The following KANK2 variants were observed in gnomAD, a reference collection of about 807,000 sequenced individuals.
KANK2 encodes the protein KN motif and ankyrin repeat domains 2.
KANK2 carries 41 observed loss-of-function variants against 74.6 expected under a neutral mutation model. That is an observed-to-expected ratio of 0.55 (90% confidence interval 0.43 to 0.71). KANK2 has a LOEUF of 0.71. Ranked by LOEUF, KANK2 falls within the 30% of genes least tolerant of loss-of-function variation. The probability of loss-of-function intolerance (pLI) is 0.00; values close to 1 mark genes in which losing one functional copy is unlikely to be tolerated. For synonymous variants in KANK2, 537 were observed against 519.0 expected (o/e 1.03, Z -0.47); for missense variants, 1,148 against 1,196.4 (o/e 0.96, Z 0.60).
intron 8 of KANK2, among the ~76,000 whole-genome samples, chr19:11,174,945 T>C (rs1242623966): frequency 6.6e-6 from 1 of 150,606 alleles, no homozygotes; most frequent in African/African-American, 2.5e-5. Context: ...TGGATATAAT[T>C]TCTCTCTCTC....
In KANK2 at chr19:11,170,402, AC is replaced by A. The variant is rs2078142698; in HGVS notation, c.2212-155del. 1 of 618,700 alleles carries A rather than the reference AC, an allele frequency of 1.6e-6. No homozygotes were observed. The highest frequency in any genetic ancestry group is 2.8e-6 in the Non-Finnish European group (1 of 351,926). The allele number at this position is 618,700 out of a possible 1,614,324, so 38.3% of individuals were successfully genotyped here. A position where few individuals can be genotyped will look rare whatever the true frequency, so the allele number is the denominator to read the frequency against. ...CTGAATCTCAAACAACCCTCCCGTC[AC>A]CAGGGGAGTAATAAATCCACAGAGA... On this transcript the variant is annotated intron_variant, in intron 10 of 12. Coordinates refer to ENST00000586659, the MANE Select transcript of KANK2 (RefSeq NM_001136191.3). This position sits in a 1 kb window ranked among gnomAD's most constrained non-coding sequence, Gnocchi z 5.2.
intron 12 of KANK2, among the ~76,000 whole-genome samples, chr19:11,167,999 G>A (rs1020082396): frequency 7.1e-6 from 1 of 141,656 alleles, no homozygotes; most frequent in Non-Finnish European, 1.5e-5. Flanking sequence ...GCCATCCCAC[G>A]TCCTTGTTTT....
At chr19:11,182,791 C>T (rs35312489) in intron 4 of KANK2, among the ~76,000 whole-genome samples, 8,331 of 136,208 alleles carry the variant, frequency 0.061, 334 homozygotes, top group Admixed American at 0.084. Flanking sequence ...TGCAGTGAGC[C>T]GATATTATGC....
rs548896322 is a variant in KANK2 at position 11,166,529 on chromosome 19, G to C, written c.*29C>G. 3.1e-6 allele frequency: 5 copies of C among 1,607,086 alleles called. No individual in the cohort carries two copies. The African/African-American group carries it at 5.4e-5, about 17-fold the overall frequency. On this transcript the variant is annotated 3_prime_UTR_variant, in exon 13 of 13. Transcript: ENST00000586659. The stretch of plus-strand genomic sequence containing the variant: ...CGGGGACAAGGGACGGTTTGCTCCC[G>C]GTCTGGCTGGTCCCCGCCTCCCTCA...
chr19:11,173,579 G>C (rs534946053), intron 9 of KANK2, among the ~76,000 whole-genome samples: 3 of 152,188 alleles, frequency 2.0e-5, no homozygotes, highest in Non-Finnish European at 4.4e-5. Flanking sequence ...TCTTAGACCA[G>C]GGCTCCAGAG....
chr19:11,182,716 G>A (rs911083684), intron 4 of KANK2, among the ~76,000 whole-genome samples: 1 of 149,320 alleles, frequency 6.7e-6, no homozygotes, highest in African/African-American at 2.5e-5. Flanking sequence ...GGTGGCACGT[G>A]CCTGTAGTCC....
chr19:11,173,121 C>CA lies in KANK2; in HGVS notation c.2070dup (p.Val691CysfsTer72). 6.2e-7 allele frequency: 1 copy of CA among 1,612,250 alleles called. No homozygotes were observed. Among genetic ancestry groups the CA allele is most frequent in the Non-Finnish European group, 8.5e-7 (1 of 1,179,102 alleles). On this transcript the variant is annotated frameshift_variant and splice_region_variant, in exon 10 of 13. Coordinates refer to ENST00000586659, the MANE Select transcript of KANK2 (RefSeq NM_001136191.3). LOFTEE classifies it high-confidence loss of function. Reference sequence around the variant, plus strand: ...CGGTTCTGTTTGTCCACCTTGCAGACACCTAAGAGACATGGTGTGAACCCT... The same window carrying CA: ...CGGTTCTGTTTGTCCACCTTGCAGACAACCTAAGAGACATGGTGTGAACCCT...
At chr19:11,174,818 T>C (rs1208600399) in intron 8 of KANK2, 126 bp from the exon 9 acceptor site, 1 of 722,966 alleles carries the variant, frequency 1.4e-6, no homozygotes, top group Non-Finnish European at 2.4e-6. Context: ...TCAAGGGAAG[T>C]GCAGACCCTC....
Position 11,170,322 on chromosome 19 carries a change from T to C in KANK2, c.2212-74A>G, listed in dbSNP as rs2078139859. The C allele has an allele frequency of 8.3e-7, 1 of 1,209,828 alleles. No individual in the cohort carries two copies. Among genetic ancestry groups the C allele is most frequent in the Admixed American group, 1.8e-5 (1 of 54,108 alleles). 74.9% of individuals were successfully genotyped at this position (1,209,828 alleles called of 1,614,324 possible). On this transcript the variant is annotated intron_variant, in intron 10 of 12. Coordinates refer to ENST00000586659, the MANE Select transcript of KANK2 (RefSeq NM_001136191.3). The surrounding 1 kb of genome is among the most constrained non-coding windows in gnomAD (Gnocchi z 5.2). ...GGACACCCCCTGGTCTAGAACCTGC[T>C]GTAGCTCCCACATACTCTGATGGTG...
chr19:11,193,774 G>A lies in KANK2; in HGVS notation c.306C>T (p.Tyr102=), dbSNP rs1371056964. 6.2e-7 allele frequency: 1 copy of A among 1,612,830 alleles called. No homozygotes were observed. The highest frequency in any genetic ancestry group is 8.5e-7 in the Non-Finnish European group (1 of 1,179,722). ...ACTGAGGGTAGAAGCCACGGCCGCA[G>A]TAGGAATAGGCTGAGTGGCGGCTGT... ...SGDSRHSAYS[Y]CGRGFYPQYG... is the part of the protein sequence containing the mutation. The change falls in exon 4 of 13, where the codon TAC becomes TAT. Residue 102 remains tyrosine, a synonymous_variant. Coordinates refer to ENST00000586659, the MANE Select transcript of KANK2 (RefSeq NM_001136191.3). The surrounding 1 kb of genome is among the most constrained non-coding windows in gnomAD (Gnocchi z 9.6).
At chr19:11,178,250 G>T in intron 6 of KANK2, 95 bp downstream of exon 6, 1 of 1,079,340 alleles carries the variant, frequency 9.3e-7, no homozygotes, top group Non-Finnish European at 1.3e-6. Context: ...CCAAAGCAAG[G>T]AGCTCAGAAT....
In KANK2 at chr19:11,166,286, C is replaced by A; in HGVS notation, c.*272G>T. ...AATGTTCTTCATAAAACCCACACCC[C>A]AGCATCAGCCCTGGCGCCAATGTAT... On this transcript the variant is annotated 3_prime_UTR_variant, in exon 13 of 13. Coordinates refer to ENST00000586659, the MANE Select transcript of KANK2 (RefSeq NM_001136191.3). 4 of 363,824 alleles carry A rather than the reference C, an allele frequency of 1.1e-5. No homozygotes were observed. Among genetic ancestry groups the A allele is most frequent in the Non-Finnish European group, 2.0e-5 (4 of 202,242 alleles). The allele number at this position is 363,824 out of a possible 1,614,324, so 22.5% of individuals were successfully genotyped here.
chr19:11,190,117 G>C (rs1186247292), intron 4 of KANK2, among the ~76,000 whole-genome samples: 1 of 144,752 alleles, frequency 6.9e-6, no homozygotes, highest in Non-Finnish European at 1.5e-5. Context: ...AAGCTGTCCT[G>C]GTTATTTATT....
At chr19:11,197,838 G>A (rs1289303809), upstream of KANK2, 1 of 151,988 alleles carries the variant, frequency 6.6e-6, no homozygotes, top group Non-Finnish European at 1.5e-5. Context: ...GCTGCGGGGG[G>A]CGGAACGGCT....
Position 11,176,699 on chromosome 19 carries a change from G to A in KANK2, c.1639C>T (p.Leu547Phe), listed in dbSNP as rs1242977281. The change falls in exon 7 of 13, where the codon CTC becomes TTC. Residue 547 changes from leucine to phenylalanine, a missense_variant. Physicochemically the swap from Leu to Phe is conservative, Grantham distance 22. Coordinates refer to ENST00000586659, the MANE Select transcript of KANK2 (RefSeq NM_001136191.3). ...RVPSVAEAPQ[L>F]RPAGTAAAKT... The stretch of plus-strand genomic sequence containing the variant: ...GCCGCTGCCGTCCCTGCAGGCCTGA[G>A]CTGGGGGGCTTCGGCCACACTCGGA... 2 of 1,612,964 alleles carry A rather than the reference G, an allele frequency of 1.2e-6. No homozygotes were observed. The highest frequency in any genetic ancestry group is 1.7e-6 in the Non-Finnish European group (2 of 1,179,676).
chr19:11,173,061 C>T lies in KANK2; in HGVS notation c.2131G>A (p.Ala711Thr), dbSNP rs773865789. ...ATGTCGTCCTGGGTCTTCAGGGTGG[C>T]CAGGGCGGTGAGCATAATAGGGCTG... ...GYSPIMLTAL[A>T]TLKTQDDIET... is the part of the protein sequence containing the mutation. The change falls in exon 10 of 13, where the codon GCC becomes ACC. Residue 711 changes from alanine to threonine, a missense_variant. Ala to Thr is a moderately conservative substitution (Grantham distance 58). Coordinates refer to ENST00000586659, the MANE Select transcript of KANK2 (RefSeq NM_001136191.3). 2 of 1,614,066 alleles carry T rather than the reference C, an allele frequency of 1.2e-6. No individual in the cohort carries two copies. The highest frequency in any genetic ancestry group is 2.2e-5 in the East Asian group (1 of 44,878).
chr19:11,174,919 G>A (rs1418911406), intron 8 of KANK2, among the ~76,000 whole-genome samples: 1 of 151,812 alleles, frequency 6.6e-6, no homozygotes, highest in African/African-American at 2.4e-5. Flanking sequence ...CAAGGAAGGT[G>A]TGAGCACCTC....
rs1600802521 is a variant in KANK2 at position 11,166,389 on chromosome 19, T to C, written c.*169A>G. ...GAAAACCCACTTGGAGCTGGAGTCC[T>C]GTGGCCGTCGGGGCTCCCCCAGGGA... On this transcript the variant is annotated 3_prime_UTR_variant, in exon 13 of 13. Coordinates refer to ENST00000586659, the MANE Select transcript of KANK2 (RefSeq NM_001136191.3). 6 of 627,560 alleles carry C rather than the reference T, an allele frequency of 9.6e-6. No individual in the cohort carries two copies. The East Asian group carries it at 1.7e-4, about 17-fold the overall frequency. The allele number at this position is 627,560 out of a possible 1,614,324, so 38.9% of individuals were successfully genotyped here.
At chr19:11,194,700 GGGACCCACTCATA>G in intron 2 of KANK2, 110 bp from the exon 3 acceptor site, 1 of 564,722 alleles carries the variant, frequency 1.8e-6, no homozygotes, top group Non-Finnish European at 3.2e-6. Flanking sequence ...ACCCAGGTCT[GGGACCCACTCATA>G]GACGCACACC....
Sources: gnomAD v4.1 joint callset for allele counts (sites outside exome capture counted in the v4.1 genomes callset) on GRCh38, gnomAD v4.1.1 for gene constraint, Gnocchi (gnomAD v3.1) non-coding constraint, MANE v1.5 for transcripts, NCBI Gene and HGNC (gene_info 2026-07-23, HGNC 2026-07-21) for gene names.